Variants in RARB observed in about 807,000 individuals in gnomAD.
RARB encodes HBV-activated protein.
RARB carries 17 observed loss-of-function variants against 51.9 expected under a neutral mutation model. The ratio of observed to expected loss-of-function variants is 0.33; its 90% CI spans 0.22 to 0.49. RARB has a LOEUF of 0.49. Among genes scored for constraint, RARB ranks in the 20% least tolerant of loss-of-function variants. The pLI is 0.99. For missense variants in RARB, 369 were observed against 550.8 expected, an observed-to-expected ratio of 0.67 and a Z score of 3.30; for synonymous variants, 215 against 195.4, an observed-to-expected ratio of 1.10 and a Z score of -0.84.
chr3:24,965,064 C>A (rs1696224631), intron 2 of RARB, among the ~76,000 whole-genome samples: 1 of 152,086 alleles, frequency 6.6e-6, no homozygotes, highest in Non-Finnish European at 1.5e-5. Context: ...AAACAATAGC[C>A]CATGTAATCG....
At chr3:25,409,353 T>A (rs1707497661) in intron 5 of RARB, among the ~76,000 whole-genome samples, 1 of 152,150 alleles carries the variant, frequency 6.6e-6, no homozygotes, top group African/African-American at 2.4e-5. Flanking sequence ...CCTCATCAGC[T>A]CGCACACCAT....
intron 2 of RARB, among the ~76,000 whole-genome samples, chr3:24,993,620 G>C (rs912567475): frequency 1.3e-5 from 2 of 151,988 alleles, no homozygotes; most frequent in African/African-American, 2.4e-5. Context: ...GTTCTATTTA[G>C]CTGTAATTTT....
At chr3:25,316,036 T>C (rs1704415530) in intron 5 of RARB, among the ~76,000 whole-genome samples, 4 of 152,342 alleles carry the variant, frequency 2.6e-5, no homozygotes, top group African/African-American at 9.6e-5. Context: ...GGACTCTGGT[T>C]TATATTTGTT....
intron 5 of RARB, among the ~76,000 whole-genome samples, chr3:25,260,239 A>G (rs904090029): frequency 2.0e-5 from 3 of 152,150 alleles, no homozygotes; most frequent in Non-Finnish European, 4.4e-5. Context: ...AGGGTTTTGC[A>G]AGGCTTTGTT....
chr3:25,098,939 T>G (rs750960988), intron 3 of RARB, among the ~76,000 whole-genome samples: 1 of 152,202 alleles, frequency 6.6e-6, no homozygotes. Context: ...TGTTTTCCTC[T>G]AAGATATTTA....
At chr3:25,450,013 A>G (rs923896449) in intron 1 of RARB, among the ~76,000 whole-genome samples, 1 of 152,268 alleles carries the variant, frequency 6.6e-6, no homozygotes. Context: ...CAACCTCCCA[A>G]GTGCTGGGAT....
At chr3:25,583,056 G>A (rs1184424571) in intron 5 of RARB, among the ~76,000 whole-genome samples, 4 of 152,180 alleles carry the variant, frequency 2.6e-5, no homozygotes, top group Admixed American at 2.6e-4. Context: ...CCATGGGGGT[G>A]AGGAGTCTGG....
intron 5 of RARB, among the ~76,000 whole-genome samples, chr3:25,218,645 G>A (rs548064887): frequency 6.6e-6 from 1 of 152,268 alleles, no homozygotes; most frequent in African/African-American, 2.4e-5. Flanking sequence ...AGAGAAGCAG[G>A]AAGTCATTTG....
chr3:25,028,275 A>G (rs1030776569), intron 2 of RARB, among the ~76,000 whole-genome samples: 1 of 152,208 alleles, frequency 6.6e-6, no homozygotes, highest in Non-Finnish European at 1.5e-5. Flanking sequence ...CAAGTCCTCC[A>G]GGTGATTCTG....
chr3:25,105,969 G>C (rs1340566650), intron 3 of RARB, among the ~76,000 whole-genome samples: 1 of 152,186 alleles, frequency 6.6e-6, no homozygotes, highest in Non-Finnish European at 1.5e-5. Context: ...TAGTGTGGCT[G>C]TTACTAATCC....
At chr3:25,205,469 C>G (rs1298938151) in intron 5 of RARB, among the ~76,000 whole-genome samples, 4 of 152,138 alleles carry the variant, frequency 2.6e-5, no homozygotes. Flanking sequence ...TGAGATGCAC[C>G]TGGTACCTCA....
At chr3:25,342,745 T>C (rs1346057615) in intron 5 of RARB, among the ~76,000 whole-genome samples, 1 of 152,214 alleles carries the variant, frequency 6.6e-6, no homozygotes, top group Non-Finnish European at 1.5e-5. Context: ...CCTTGGTAGC[T>C]AATCTTTTTT....
chr3:24,941,556 G>A (rs533387666), intron 2 of RARB, among the ~76,000 whole-genome samples: 1 of 152,186 alleles, frequency 6.6e-6, no homozygotes, highest in African/African-American at 2.4e-5. Flanking sequence ...TTTTAGTAGA[G>A]ACGGGGTTTC....
intron 5 of RARB, among the ~76,000 whole-genome samples, chr3:25,293,591 T>C (rs1166578181): frequency 3.3e-5 from 1 of 30,292 alleles, no homozygotes; most frequent in African/African-American, 6.8e-5. Context: ...CTAGAGTTAC[T>C]CCATTTAAAA....
intron 5 of RARB, among the ~76,000 whole-genome samples, chr3:25,179,982 G>T (rs1700830151): frequency 6.6e-6 from 1 of 152,096 alleles, no homozygotes; most frequent in Non-Finnish European, 1.5e-5. Context: ...TCTGTTTTTT[G>T]ATCTTTACCC....
intron 5 of RARB, among the ~76,000 whole-genome samples, chr3:25,325,748 T>C (rs1318122402): frequency 1.3e-5 from 2 of 149,850 alleles, no homozygotes; most frequent in Non-Finnish European, 3.0e-5. Flanking sequence ...TCATGGCCAC[T>C]TGTGGAAGCA....
At chr3:25,468,170 A>G (rs1297336553) in intron 2 of RARB, among the ~76,000 whole-genome samples, 5 of 152,148 alleles carry the variant, frequency 3.3e-5, no homozygotes, top group Non-Finnish European at 7.4e-5. Flanking sequence ...TATCTGTAAA[A>G]TGAAAGCAAA....
chr3:25,246,705 AG>A (rs1575253542), intron 5 of RARB, among the ~76,000 whole-genome samples: 2 of 152,108 alleles, frequency 1.3e-5, no homozygotes, highest in African/African-American at 2.4e-5. Context: ...TTGGTCCCAA[AG>A]GGGTGCCTGC....
chr3:25,325,733 C>G (rs1043506775), intron 5 of RARB, among the ~76,000 whole-genome samples: 2 of 150,716 alleles, frequency 1.3e-5, no homozygotes, highest in Non-Finnish European at 3.0e-5. Context: ...TCCCTTTTTT[C>G]CTGGTCATGG....
Sources: gnomAD v4.1 joint callset for allele counts (sites outside exome capture counted in the v4.1 genomes callset) on GRCh38, gnomAD v4.1.1 for gene constraint, MANE v1.5 for transcripts, NCBI Gene and HGNC (gene_info 2026-07-23, HGNC 2026-07-21) for gene names.